Variants in NRXN1 observed in about 807,000 individuals in gnomAD.
The protein encoded by NRXN1 is neurexin 1.
Under a neutral mutation model 150.9 loss-of-function variants are expected in NRXN1, and 39 were observed. That is an observed-to-expected ratio of 0.26 (90% CI 0.20 to 0.34). The LOEUF (loss-of-function observed/expected upper bound fraction) is 0.34. Among genes scored for constraint, NRXN1 ranks in the 10% least tolerant of loss-of-function variants. NRXN1 has a pLI of 1.00. For synonymous variants in NRXN1, 924 were observed against 757.0 expected, an observed-to-expected ratio of 1.22 and a Z score of -3.62; for missense variants, 1,815 against 1,949.9, an observed-to-expected ratio of 0.93 and a Z score of 1.30.
At chr2:50,536,186 T>C (rs535376408) in intron 10 of NRXN1, among the ~76,000 whole-genome samples, 8 of 152,276 alleles carry the variant, frequency 5.3e-5, no homozygotes, top group Non-Finnish European at 8.8e-5. Context: ...TTCCTTTGCT[T>C]TCAGGAGGCA....
At chr2:50,422,679 T>G (rs1327081185) in intron 17 of NRXN1, among the ~76,000 whole-genome samples, 1 of 152,186 alleles carries the variant, frequency 6.6e-6, no homozygotes, top group African/African-American at 2.4e-5. Context: ...ATTACTTATC[T>G]AAGTGCAGAT....
At chr2:50,763,472 T>C (rs1702045257) in intron 5 of NRXN1, among the ~76,000 whole-genome samples, 1 of 152,070 alleles carries the variant, frequency 6.6e-6, no homozygotes, top group African/African-American at 2.4e-5. Context: ...AGTAAGAGCT[T>C]AATTAATAGT....
At chr2:50,976,028 A>T (rs1695765789) in intron 2 of NRXN1, among the ~76,000 whole-genome samples, 1 of 152,082 alleles carries the variant, frequency 6.6e-6, no homozygotes, top group South Asian at 2.1e-4. Context: ...TGTCCCCTTG[A>T]CTAGACATCT....
intron 5 of NRXN1, among the ~76,000 whole-genome samples, chr2:50,678,942 C>G (rs976940383): frequency 6.2e-4 from 94 of 152,060 alleles, no homozygotes; most frequent in African/African-American, 1.9e-3. Context: ...ATGGACTGCA[C>G]AGTGAAGCAT....
At chr2:50,769,932 T>G (rs1179673978) in intron 5 of NRXN1, among the ~76,000 whole-genome samples, 1 of 152,050 alleles carries the variant, frequency 6.6e-6, no homozygotes, top group Non-Finnish European at 1.5e-5. Context: ...GTTTGGGAAT[T>G]GTACTGTCTG....
intron 2 of NRXN1, among the ~76,000 whole-genome samples, chr2:50,928,920 T>C (rs1165750079): frequency 6.6e-6 from 1 of 152,066 alleles, no homozygotes; most frequent in Non-Finnish European, 1.5e-5. Context: ...GATCACACTC[T>C]TGCTTTCTTT....
chr2:50,779,156 T>C lies in NRXN1; in HGVS notation c.832+142713A>G, dbSNP rs543012362. ...TGTCATCTATATTAGGTATTTCTCC[T>C]AATGGTATCCCTCCCCTAGCACCCC... is the stretch of plus-strand genomic sequence containing the variant. On this transcript the variant is annotated intron_variant, in intron 5 of 22. Coordinates refer to ENST00000401669, the MANE Select transcript of NRXN1 (RefSeq NM_001330078.2). 6.6e-5 allele frequency among the ~76,000 whole-genome samples: 10 copies of C among 152,280 alleles called. No individual in the cohort carries two copies. In the South Asian group the frequency reaches 2.1e-3, roughly 32 times the overall value.
chr2:50,369,441 A>T (rs975940185), intron 17 of NRXN1, among the ~76,000 whole-genome samples: 4 of 151,984 alleles, frequency 2.6e-5, no homozygotes, highest in African/African-American at 7.2e-5. Flanking sequence ...TTCCATGCCA[A>T]ATCACATGGA....
chr2:50,718,389 T>C (rs1400047568), intron 5 of NRXN1, among the ~76,000 whole-genome samples: 1 of 152,146 alleles, frequency 6.6e-6, no homozygotes, highest in Non-Finnish European at 1.5e-5. Context: ...AGGGAAGGCA[T>C]GTTTGCAGAG....
chr2:50,051,268 T>C (rs915593622), intron 21 of NRXN1, among the ~76,000 whole-genome samples: 1 of 152,058 alleles, frequency 6.6e-6, no homozygotes, highest in Non-Finnish European at 1.5e-5. Flanking sequence ...TAATATATGT[T>C]ACTAATTGAC....
At chr2:50,758,881 T>C (rs144163938) in intron 5 of NRXN1, among the ~76,000 whole-genome samples, 1 of 151,950 alleles carries the variant, frequency 6.6e-6, no homozygotes, top group African/African-American at 2.4e-5. Context: ...ACGAGGATTC[T>C]TTCCAAGGCA....
At chr2:50,061,668 G>A (rs1694555246) in intron 19 of NRXN1, among the ~76,000 whole-genome samples, 2 of 152,116 alleles carry the variant, frequency 1.3e-5, no homozygotes, top group Admixed American at 6.5e-5. Context: ...GAGCAAATAG[G>A]CTTGATTTAT....
chr2:50,809,137 T>A (rs1667889433), intron 5 of NRXN1, among the ~76,000 whole-genome samples: 1 of 151,992 alleles, frequency 6.6e-6, no homozygotes, highest in Non-Finnish European at 1.5e-5. Flanking sequence ...AAAATGAGGA[T>A]CTATTTACAG....
At chr2:49,937,297 T>C (rs554639830) in intron 22 of NRXN1, among the ~76,000 whole-genome samples, 19 of 152,280 alleles carry the variant, frequency 1.2e-4, no homozygotes, top group African/African-American at 4.1e-4. Context: ...CAGCCTTTTT[T>C]GTTTGTTTGT....
chr2:50,206,978 T>C (rs1043891415), intron 18 of NRXN1, among the ~76,000 whole-genome samples: 13 of 151,818 alleles, frequency 8.6e-5, no homozygotes, highest in African/African-American at 2.2e-4. Flanking sequence ...CATGTCATAA[T>C]ATTGAAATTA....
intron 18 of NRXN1, among the ~76,000 whole-genome samples, chr2:50,224,848 T>C (rs2064223643): frequency 6.6e-6 from 1 of 152,042 alleles, no homozygotes; most frequent in Admixed American, 6.6e-5. Flanking sequence ...TGGATTCTTC[T>C]CTTCTCATCA....
Position 50,654,741 on chromosome 2 carries a change from A to T in NRXN1, c.833-31126T>A, listed in dbSNP as rs1268418009. Among the ~76,000 whole-genome samples the T allele has an allele frequency of 2.6e-5, 4 of 152,074 alleles. No individual in the cohort carries two copies. The East Asian group carries it at 5.8e-4, about 22-fold the overall frequency. ...ACCATTCTAACTGGTGTGAGATGGT[A>T]TCTCATTGTGTTTTTGATTTGCATT... On this transcript the variant is annotated intron_variant, in intron 5 of 22. Coordinates refer to ENST00000401669, the MANE Select transcript of NRXN1 (RefSeq NM_001330078.2).
chr2:50,759,826 CTGTGTGTGTGTGTGTGTGTG>C (rs72209781), intron 5 of NRXN1, among the ~76,000 whole-genome samples: 15 of 142,410 alleles, frequency 1.1e-4, no homozygotes, highest in African/African-American at 3.9e-4. Flanking sequence ...TCTAACTAAG[CTGTGTGTGTGTGTGTGTGTG>C]TGTGTGTGTG....
intron 5 of NRXN1, among the ~76,000 whole-genome samples, chr2:50,647,214 A>C (rs905451539): frequency 1.3e-5 from 2 of 151,934 alleles, no homozygotes; most frequent in Admixed American, 1.3e-4. Context: ...AAACTTACAG[A>C]TAGTAGGCCC....
Sources: gnomAD v4.1 joint callset for allele counts (sites outside exome capture counted in the v4.1 genomes callset) on GRCh38, gnomAD v4.1.1 for gene constraint, MANE v1.5 for transcripts, NCBI Gene and HGNC (gene_info 2026-07-23, HGNC 2026-07-21) for gene names.